Variants in ABCC1 observed in about 807,000 individuals in gnomAD.
ABCC1 encodes ATP binding cassette subfamily C member 1 (ABCC1 blood group).
A neutral mutation model predicts 172.9 loss-of-function variants in ABCC1; 83 were observed. The ratio of observed to expected loss-of-function variants is 0.48; its 90% CI spans 0.40 to 0.58. The LOEUF (loss-of-function observed/expected upper bound fraction) is 0.58. Ranked by LOEUF, ABCC1 falls within the 20% of genes least tolerant of loss-of-function variation. The pLI, the probability that ABCC1 is intolerant of heterozygous loss-of-function variation, is 0.00. For synonymous variants in ABCC1, 937 were observed against 825.2 expected (o/e 1.14, Z -2.32); for missense variants, 1,817 against 2,002.7 (o/e 0.91, Z 1.77).
In ABCC1 at chr16:16,078,631, C is replaced by T. The variant is rs537173390; in HGVS notation, c.1989-721C>T. 3.9e-5 allele frequency among the ~76,000 whole-genome samples: 6 copies of T among 152,226 alleles called. No homozygotes were observed. In the East Asian group the frequency reaches 1.2e-3, roughly 29 times the overall value. On this transcript the variant is annotated intron_variant, in intron 15 of 30. Coordinates refer to ENST00000399410, the MANE Select transcript of ABCC1 (RefSeq NM_004996.4). Reference sequence around the variant, plus strand: ...CCCTTTACACCTTTCTCCGGCTCTCCACATGTTTCTGTGTGTGGGACACTC... The same window carrying T: ...CCCTTTACACCTTTCTCCGGCTCTCTACATGTTTCTGTGTGTGGGACACTC...
chr16:16,069,764 C>T (rs2050263743), intron 13 of ABCC1, among the ~76,000 whole-genome samples: 1 of 152,072 alleles, frequency 6.6e-6, no homozygotes, highest in African/African-American at 2.4e-5. Flanking sequence ...TGGCTCACAC[C>T]TGCAATCCCA....
At chr16:16,070,440 G>A (rs1025161597) in intron 13 of ABCC1, among the ~76,000 whole-genome samples, 2 of 152,066 alleles carry the variant, frequency 1.3e-5, no homozygotes, top group Non-Finnish European at 2.9e-5. Flanking sequence ...CGAGGTGGGC[G>A]GATCATGAGG....
chr16:16,120,693 G>C (rs770915168), intron 23 of ABCC1, among the ~76,000 whole-genome samples: 2 of 152,176 alleles, frequency 1.3e-5, no homozygotes, highest in Non-Finnish European at 2.9e-5. Flanking sequence ...GATGGGCATG[G>C]TGGGTGGAGG....
intron 13 of ABCC1, among the ~76,000 whole-genome samples, chr16:16,068,621 A>C (rs903037832): frequency 4.6e-5 from 7 of 152,210 alleles, no homozygotes; most frequent in African/African-American, 1.7e-4. Flanking sequence ...TTTTTTAAAA[A>C]ACGTAGCTCT....
At chr16:15,950,777 G>A (rs1342727727) in intron 1 of ABCC1, among the ~76,000 whole-genome samples, 1 of 152,058 alleles carries the variant, frequency 6.6e-6, no homozygotes, top group Non-Finnish European at 1.5e-5. Flanking sequence ...TTTTGTTTAG[G>A]AATCAGGAGA....
At chr16:16,094,747 C>T (rs897835190) in intron 19 of ABCC1, among the ~76,000 whole-genome samples, 12 of 150,542 alleles carry the variant, frequency 8.0e-5, no homozygotes, top group South Asian at 2.1e-4. Flanking sequence ...GATCTCTTGA[C>T]GTCATGATCC....
intron 1 of ABCC1, among the ~76,000 whole-genome samples, chr16:15,981,654 A>C (rs1351677434): frequency 1.3e-5 from 2 of 152,062 alleles, no homozygotes; most frequent in Admixed American, 1.3e-4. Context: ...TTTTCCTCCT[A>C]GACCTCTAGG....
At chr16:16,024,349 TTTTG>T (rs142887759) in intron 5 of ABCC1, among the ~76,000 whole-genome samples, 2,229 of 152,074 alleles carry the variant, frequency 0.015, 63 homozygotes, top group African/African-American at 0.05. Flanking sequence ...ACTTGGAATT[TTTTG>T]TTTGTTTGTT....
At chr16:16,001,490 G>A (rs757722230) in intron 1 of ABCC1, among the ~76,000 whole-genome samples, 29 of 152,072 alleles carry the variant, frequency 1.9e-4, no homozygotes, top group Non-Finnish European at 3.2e-4. Context: ...GTGAGCCACC[G>A]CGCCCAGCCA....
At chr16:16,068,086 C>T (rs976870269) in intron 12 of ABCC1, 70 bp from the exon 13 acceptor site, 2 of 1,591,040 alleles carry the variant, frequency 1.3e-6, no homozygotes, top group Non-Finnish European at 8.6e-7. Context: ...TCTCCAGGGC[C>T]TGTCACTGCT....
At chr16:16,112,832 C>T (rs765474881) in intron 22 of ABCC1, among the ~76,000 whole-genome samples, 1 of 152,210 alleles carries the variant, frequency 6.6e-6, no homozygotes, top group African/African-American at 2.4e-5. Flanking sequence ...ACTTCACATT[C>T]CACAGTGCTC....
At chr16:16,117,787 T>TC (rs2044959317) in intron 23 of ABCC1, among the ~76,000 whole-genome samples, 1 of 152,126 alleles carries the variant, frequency 6.6e-6, no homozygotes, top group Admixed American at 6.6e-5. Context: ...GTGCCTATAG[T>TC]CCCAGCTGCT....
intron 12 of ABCC1, among the ~76,000 whole-genome samples, chr16:16,057,509 T>A (rs1427384328): frequency 6.6e-6 from 1 of 151,696 alleles, no homozygotes; most frequent in African/African-American, 2.4e-5. Flanking sequence ...GCATAGCAGG[T>A]GCTGAACAAA....
intron 14 of ABCC1, among the ~76,000 whole-genome samples, chr16:16,075,736 T>G (rs1230838080): frequency 6.6e-5 from 10 of 152,206 alleles, no homozygotes; most frequent in Admixed American, 6.5e-4. Flanking sequence ...CCTCTTTTTT[T>G]GAGTTTATCG....
chr16:16,101,607 C>A (rs1350274925), intron 19 of ABCC1, among the ~76,000 whole-genome samples: 1 of 152,166 alleles, frequency 6.6e-6, no homozygotes, highest in Non-Finnish European at 1.5e-5. Flanking sequence ...TGGGTCCTCT[C>A]CCACCTTCTC....
chr16:16,090,452 C>T lies in ABCC1; in HGVS notation c.2508C>T (p.Asp836=), dbSNP rs374092475. The change falls in exon 19 of 31, where the codon GAC becomes GAT. Residue 836 remains aspartate, a synonymous_variant. Coordinates refer to ENST00000399410, the MANE Select transcript of ABCC1 (RefSeq NM_004996.4). ...THSMSYLPQV[D]VIIVMSGGKI... ...GCATGAGCTACTTGCCGCAGGTGGACGTCATCATCGTCATGAGTGGCGGCA... is the reference window on the plus strand; with the variant it reads ...GCATGAGCTACTTGCCGCAGGTGGATGTCATCATCGTCATGAGTGGCGGCA... The T allele has an allele frequency of 1.9e-5, 31 of 1,613,300 alleles. No homozygotes were observed. Among genetic ancestry groups the T allele is most frequent in the African/African-American group, 1.9e-4 (14 of 74,934 alleles).
chr16:16,052,404 G>A (rs1362200325), intron 10 of ABCC1, among the ~76,000 whole-genome samples: 1 of 151,608 alleles, frequency 6.6e-6, no homozygotes, highest in African/African-American at 2.4e-5. Context: ...ACTGCAGCCT[G>A]GGCAACATAG....
chr16:16,139,606 C>G (rs1226141441), intron 30 of ABCC1, among the ~76,000 whole-genome samples: 1 of 37,534 alleles, frequency 2.7e-5, no homozygotes, highest in African/African-American at 1.2e-4. Context: ...AGTGAGACTC[C>G]ATCTCAAAAA....
intron 19 of ABCC1, chr16:16,098,870 C>T (rs2051598313): frequency 7.4e-7 from 1 of 1,351,952 alleles, no homozygotes; most frequent in Non-Finnish European, 9.8e-7. Flanking sequence ...TCTGAATTCC[C>T]AGGCAGCACA....
Sources: gnomAD v4.1 joint callset for allele counts (sites outside exome capture counted in the v4.1 genomes callset) on GRCh38, gnomAD v4.1.1 for gene constraint, MANE v1.5 for transcripts, NCBI Gene and HGNC (gene_info 2026-07-23, HGNC 2026-07-21) for gene names.